Variants in PAPPA observed in about 807,000 individuals in gnomAD.
PAPPA encodes the protein pappalysin 1.
In PAPPA, 60 loss-of-function variants were observed where a neutral mutation model predicts 164.0. The observed-to-expected ratio is 0.37, with a 90% CI of 0.30 to 0.45. The LOEUF (loss-of-function observed/expected upper bound fraction) is 0.45, where lower values mean the gene tolerates loss of function less well. Among genes scored for constraint, PAPPA ranks in the 20% least tolerant of loss-of-function variants. The probability of loss-of-function intolerance (pLI) is 1.00; values close to 1 mark genes in which losing one functional copy is unlikely to be tolerated. For missense variants in PAPPA, 1,782 were observed against 2,087.3 expected, an observed-to-expected ratio of 0.85 and a Z score of 2.85; for synonymous variants, 875 against 814.1, an observed-to-expected ratio of 1.07 and a Z score of -1.27.
intron 7 of PAPPA, among the ~76,000 whole-genome samples, chr9:116,261,647 C>T (rs1454965736): frequency 6.6e-6 from 1 of 152,098 alleles, no homozygotes; most frequent in African/African-American, 2.4e-5. Context: ...TGCTTACCCT[C>T]CTTATGTATA....
At chr9:116,275,356 C>A (rs1845184025) in intron 9 of PAPPA, among the ~76,000 whole-genome samples, 1 of 152,190 alleles carries the variant, frequency 6.6e-6, no homozygotes, top group South Asian at 2.1e-4. Context: ...CAGCAACAAC[C>A]ACCATTTATG....
At chr9:116,393,206 CTA>C (rs1195732806) in intron 21 of PAPPA, among the ~76,000 whole-genome samples, 2 of 152,298 alleles carry the variant, frequency 1.3e-5, no homozygotes, top group East Asian at 1.9e-4. Flanking sequence ...TGAAGAAATT[CTA>C]TGTTTCAAGT....
intron 7 of PAPPA, among the ~76,000 whole-genome samples, chr9:116,254,800 AAAG>A (rs1212059693): frequency 2.2e-4 from 32 of 147,892 alleles, no homozygotes; most frequent in African/African-American, 6.8e-4. Context: ...AAAAAAAAAA[AAAG>A]AGAGAAAGAA....
chr9:116,228,404 A>G (rs1844543077), intron 6 of PAPPA, among the ~76,000 whole-genome samples: 1 of 152,080 alleles, frequency 6.6e-6, no homozygotes, highest in Non-Finnish European at 1.5e-5. Context: ...GGACACTATT[A>G]CACCAGTGCA....
intron 9 of PAPPA, 143 bp from the exon 10 acceptor site, chr9:116,302,614 G>T: frequency 3.5e-6 from 2 of 579,642 alleles, no homozygotes; most frequent in Middle Eastern, 4.1e-4. Flanking sequence ...TTTCAAGACT[G>T]AGTAATAGTC....
chr9:116,255,952 T>C (rs1223137054), intron 7 of PAPPA, among the ~76,000 whole-genome samples: 4 of 151,640 alleles, frequency 2.6e-5, no homozygotes, highest in African/African-American at 7.3e-5. Context: ...AAAGACTTGA[T>C]GTTTGAATTT....
chr9:116,289,575 T>A (rs1323442), intron 9 of PAPPA, among the ~76,000 whole-genome samples: 146,875 of 152,070 alleles, frequency 0.97, 71,136 homozygotes, highest in East Asian at 1. Flanking sequence ...ACCTCTAACA[T>A]TTATGCAGCA....
intron 13 of PAPPA, among the ~76,000 whole-genome samples, chr9:116,339,830 T>C (rs547883346): frequency 6.6e-6 from 1 of 152,306 alleles, no homozygotes; most frequent in East Asian, 1.9e-4. Flanking sequence ...ACTCTCCAGC[T>C]ATCCTCTGTT....
intron 10 of PAPPA, among the ~76,000 whole-genome samples, chr9:116,305,869 C>T (rs368035448): frequency 6.6e-6 from 1 of 152,144 alleles, no homozygotes; most frequent in Non-Finnish European, 1.5e-5. Context: ...ATGGATAGAT[C>T]TCAGCATTGA....
chr9:116,268,981 G>C (rs1013958954), intron 8 of PAPPA, among the ~76,000 whole-genome samples: 1 of 152,152 alleles, frequency 6.6e-6, no homozygotes, highest in Non-Finnish European at 1.5e-5. Context: ...GATAGACTCA[G>C]CACTCAGTGA....
chr9:116,379,719 G>T (rs1846702876), intron 20 of PAPPA, among the ~76,000 whole-genome samples: 1 of 152,168 alleles, frequency 6.6e-6, no homozygotes, highest in Non-Finnish European at 1.5e-5. Flanking sequence ...ATTAAAGAGA[G>T]AATTTTAAAA....
chr9:116,187,216 A>T lies in PAPPA; in HGVS notation c.478A>T (p.Ile160Phe). ...DRGWVVGIHTISDQDNKDPRY... is the reference protein window; with the variant it reads ...DRGWVVGIHTFSDQDNKDPRY... ...AGGATGGGTCGTGGGCATTCACACCATCAGTGACCAAGACAACAAAGACCC... is the reference window on the plus strand; with the variant it reads ...AGGATGGGTCGTGGGCATTCACACCTTCAGTGACCAAGACAACAAAGACCC... The change falls in exon 2 of 22, where the codon ATC (isoleucine) becomes TTC (phenylalanine). Residue 160 changes from isoleucine (I) to phenylalanine (F), a missense_variant. By Grantham distance (21) the Ile-to-Phe change is conservative (BLOSUM62 0). Around this residue, in one of 2 missense-constraint regions of PAPPA, gnomAD observed 458 missense variants for 430.3 expected, o/e 1.06. Transcript: ENST00000328252. This position sits in a 1 kb window ranked among gnomAD's most constrained non-coding sequence, Gnocchi z 4.2. The T allele has an allele frequency of 1.9e-6, 3 of 1,614,154 alleles. No individual in the cohort carries two copies. The highest frequency in any genetic ancestry group is 2.5e-6 in the Non-Finnish European group (3 of 1,180,042).
intron 9 of PAPPA, among the ~76,000 whole-genome samples, chr9:116,294,770 C>T (rs1845480889): frequency 6.6e-6 from 1 of 152,176 alleles, no homozygotes; most frequent in South Asian, 2.1e-4. Flanking sequence ...TCTAAATAAA[C>T]AGCTAAACTT....
intron 2 of PAPPA, among the ~76,000 whole-genome samples, chr9:116,204,788 G>A (rs1032789935): frequency 1.2e-4 from 19 of 152,108 alleles, no homozygotes; most frequent in African/African-American, 4.3e-4. Flanking sequence ...ATTGCAAAAT[G>A]TAAGTCACAT....
At chr9:116,279,458 C>T (rs544701622) in intron 9 of PAPPA, among the ~76,000 whole-genome samples, 1 of 152,206 alleles carries the variant, frequency 6.6e-6, no homozygotes, top group African/African-American at 2.4e-5. Flanking sequence ...GAGGCCTACC[C>T]CACAGAGAGG....
intron 3 of PAPPA, among the ~76,000 whole-genome samples, chr9:116,208,551 T>C (rs1368231782): frequency 1.3e-5 from 2 of 152,222 alleles, no homozygotes; most frequent in African/African-American, 4.8e-5. Flanking sequence ...ATTTTCCGTT[T>C]GGTAGAATGT....
intron 10 of PAPPA, among the ~76,000 whole-genome samples, chr9:116,310,234 TCTC>T (rs1845699576): frequency 6.6e-6 from 1 of 152,108 alleles, no homozygotes; most frequent in Non-Finnish European, 1.5e-5. Context: ...AAAGCATTCA[TCTC>T]CTCTCATTAG....
Position 116,397,859 on chromosome 9 carries a change from T to C in PAPPA, c.*1243T>C, listed in dbSNP as rs1238298486. 1 of 152,704 alleles carries C rather than the reference T, an allele frequency of 6.5e-6. No homozygotes were observed. The highest frequency in any genetic ancestry group is 2.4e-5 in the African/African-American group (1 of 41,462). 9.5% of individuals were successfully genotyped at this position (152,704 alleles called of 1,614,324 possible). ...TCCTAATCTTCCTAGCCCTTCAGGC[T>C]AGAGTAGGCTTTGATCCTGAGAACC... On this transcript the variant is annotated 3_prime_UTR_variant, in exon 22 of 22. Transcript: ENST00000328252.
At chr9:116,337,078 C>T (rs898878482) in intron 13 of PAPPA, among the ~76,000 whole-genome samples, 4 of 152,204 alleles carry the variant, frequency 2.6e-5, no homozygotes, top group Middle Eastern at 3.2e-3. Flanking sequence ...AGGCAAAATC[C>T]TGCTTTGTCT....
Sources: gnomAD v4.1 joint callset for allele counts (sites outside exome capture counted in the v4.1 genomes callset) on GRCh38, gnomAD v4.1.1 for gene constraint, gnomAD v4.1.1 regional missense constraint, Gnocchi (gnomAD v3.1) non-coding constraint, MANE v1.5 for transcripts, NCBI Gene and HGNC (gene_info 2026-07-23, HGNC 2026-07-21) for gene names.